Variants in IFTAP observed in about 807,000 individuals in gnomAD.
IFTAP encodes the protein intraflagellar transport-associated protein.
In IFTAP, 19 loss-of-function variants were observed where a neutral mutation model predicts 19.4. That is an observed-to-expected ratio of 0.98 (90% CI 0.68 to 1.44). The LOEUF is 1.44. Ranked by LOEUF, IFTAP falls within the 40% of genes most tolerant of loss-of-function variation. The probability of loss-of-function intolerance (pLI) is 0.00; values close to 1 mark genes in which losing one functional copy is unlikely to be tolerated. For synonymous variants in IFTAP, 85 were observed against 83.5 expected (o/e 1.02, Z -0.10); for missense variants, 240 against 253.6 (o/e 0.95, Z 0.36).
intron 2 of IFTAP, among the ~76,000 whole-genome samples, chr11:36,613,599 C>T (rs140339343): frequency 6.6e-6 from 1 of 151,904 alleles, no homozygotes; most frequent in Non-Finnish European, 1.5e-5. Context: ...GGAGGGCCAC[C>T]CAGCCTGTGT....
chr11:36,656,419 A>T lies in IFTAP; in HGVS notation c.499-2600A>T, dbSNP rs1853989464. Among the ~76,000 whole-genome samples, 3 of 152,020 alleles carry T rather than the reference A, an allele frequency of 2.0e-5. No individual in the cohort carries two copies. In the South Asian group the frequency reaches 6.2e-4, roughly 32 times the overall value. ...ACCCTATCTCTACTAAAAATACAAA[A>T]ATTAGCCAGGCCTGGTGGTATGCAC... On this transcript the variant is annotated intron_variant, in intron 5 of 5. Coordinates refer to ENST00000334307, the MANE Select transcript of IFTAP (RefSeq NM_138787.4).
chr11:36,646,008 A>G (rs1333954953), intron 4 of IFTAP, among the ~76,000 whole-genome samples: 2 of 152,184 alleles, frequency 1.3e-5, no homozygotes, highest in Non-Finnish European at 2.9e-5. Context: ...TATTCTGAAG[A>G]AACAAATGAC....
chr11:36,596,079 A>G (rs892162196), intron 1 of IFTAP, among the ~76,000 whole-genome samples: 1 of 152,242 alleles, frequency 6.6e-6, no homozygotes, highest in Non-Finnish European at 1.5e-5. Flanking sequence ...TAAATCACAT[A>G]GAACAGTGCC....
chr11:36,650,823 G>A (rs893976642), intron 5 of IFTAP, among the ~76,000 whole-genome samples: 20 of 151,626 alleles, frequency 1.3e-4, no homozygotes, highest in Non-Finnish European at 2.6e-4. Flanking sequence ...TTTTGTCCTT[G>A]CGATAGTTTG....
chr11:36,608,972 T>C (rs1489436878), intron 1 of IFTAP, among the ~76,000 whole-genome samples: 1 of 152,204 alleles, frequency 6.6e-6, no homozygotes, highest in Non-Finnish European at 1.5e-5. Context: ...TAGCTTAATA[T>C]TGATTGACTG....
At chr11:36,617,225 A>T (rs1284179474) in intron 2 of IFTAP, among the ~76,000 whole-genome samples, 2 of 148,098 alleles carry the variant, frequency 1.4e-5, no homozygotes, top group South Asian at 4.2e-4. Flanking sequence ...TTGTATATTT[A>T]TTTTTTTGTA....
chr11:36,649,311 A>G (rs1307181457), intron 5 of IFTAP, among the ~76,000 whole-genome samples: 1 of 152,172 alleles, frequency 6.6e-6, no homozygotes, highest in Non-Finnish European at 1.5e-5. Flanking sequence ...TTAAACTCCC[A>G]AATTGATTAC....
intron 1 of IFTAP, among the ~76,000 whole-genome samples, chr11:36,607,887 G>A (rs1363615049): frequency 6.6e-6 from 1 of 152,112 alleles, no homozygotes; most frequent in African/African-American, 2.4e-5. Context: ...TGTTCAGGCT[G>A]GTCTCAAACT....
chr11:36,598,340 C>T (rs1166021653), intron 1 of IFTAP: 1 of 152,096 alleles, frequency 6.6e-6, no homozygotes, highest in Non-Finnish European at 1.5e-5. Flanking sequence ...AGATACCCAA[C>T]AGGGTGTACC....
Position 36,659,016 on chromosome 11 carries a change from T to C in IFTAP, c.499-3T>C, listed in dbSNP as rs1330492943. The C allele has an allele frequency of 1.3e-6, 2 of 1,579,704 alleles. No individual in the cohort carries two copies. The highest frequency in any genetic ancestry group is 1.8e-5 in the Admixed American group (1 of 55,504). On this transcript the variant is annotated splice_polypyrimidine_tract_variant and splice_region_variant and intron_variant, in intron 5 of 5. Transcript: ENST00000334307. ...TTTTTTCCTCCTTTGTTACCTTTTATAGATACTTGGAGATGAAGTTCAACT... is the reference window on the plus strand; with the variant it reads ...TTTTTTCCTCCTTTGTTACCTTTTACAGATACTTGGAGATGAAGTTCAACT...
chr11:36,616,150 T>G (rs1852078223), intron 2 of IFTAP, among the ~76,000 whole-genome samples: 1 of 151,948 alleles, frequency 6.6e-6, no homozygotes, highest in Admixed American at 6.6e-5. Flanking sequence ...AAATCTCTCT[T>G]TCTCTCTCTC....
intron 4 of IFTAP, among the ~76,000 whole-genome samples, chr11:36,638,932 C>G (rs1203377477): frequency 6.6e-6 from 1 of 152,158 alleles, no homozygotes; most frequent in Non-Finnish European, 1.5e-5. Flanking sequence ...TTCAGTGGAG[C>G]CAACTCTATT....
intron 5 of IFTAP, among the ~76,000 whole-genome samples, chr11:36,649,645 T>C (rs1001232341): frequency 6.6e-6 from 1 of 152,132 alleles, no homozygotes; most frequent in Non-Finnish European, 1.5e-5. Flanking sequence ...CTGGAATCTA[T>C]CAAATAGCAG....
rs1461179931 is a variant in IFTAP, at chr11:36,614,685, T to C, written c.136+4446T>C. Among the ~76,000 whole-genome samples the C allele has an allele frequency of 4.0e-5, 6 of 148,178 alleles. 1 individual carries two copies. Among genetic ancestry groups the C allele is most frequent in the African/African-American group, 1.5e-4 (6 of 39,090 alleles). ...TGATGGCCAGTGATGGTGAGCATTT[T>C]TTCATGTGTTTTTTGGCTGCATAAA... is the stretch of plus-strand genomic sequence containing the variant. On this transcript the variant is annotated intron_variant, in intron 2 of 5. Transcript: ENST00000334307.
At chr11:36,656,960 A>T (rs1406480595) in intron 5 of IFTAP, among the ~76,000 whole-genome samples, 2 of 152,086 alleles carry the variant, frequency 1.3e-5, no homozygotes, top group Non-Finnish European at 2.9e-5. Flanking sequence ...GACTGCATCT[A>T]GTGAGGATGG....
intron 2 of IFTAP, among the ~76,000 whole-genome samples, chr11:36,616,645 A>G (rs73437936): frequency 0.11 from 17,221 of 151,920 alleles, 1,154 homozygotes; most frequent in African/African-American, 0.17. Flanking sequence ...TAATCTATAT[A>G]TACTTAATTC....
Position 36,619,044 on chromosome 11 carries a change from C to T in IFTAP, c.136+8805C>T, listed in dbSNP as rs139340229. ...CAAGGAAGAGTCACAGGTATTTTGC[C>T]TGGGAGATACTGAGGCCCACAGAGG... is the stretch of plus-strand genomic sequence containing the variant. On this transcript the variant is annotated intron_variant, in intron 2 of 5. Coordinates refer to ENST00000334307, the MANE Select transcript of IFTAP (RefSeq NM_138787.4). Among the ~76,000 whole-genome samples, 42 of 152,026 alleles carry T rather than the reference C, an allele frequency of 2.8e-4. No individual in the cohort carries two copies. The East Asian group carries it at 8.1e-3, about 29-fold the overall frequency.
chr11:36,604,089 G>A (rs1851604821), intron 1 of IFTAP, among the ~76,000 whole-genome samples: 1 of 152,112 alleles, frequency 6.6e-6, no homozygotes, highest in Admixed American at 6.6e-5. Flanking sequence ...TCCTTTAGGT[G>A]AGAATTTGTC....
intron 2 of IFTAP, among the ~76,000 whole-genome samples, chr11:36,614,187 C>T (rs1313656210): frequency 3.0e-4 from 43 of 143,808 alleles, no homozygotes; most frequent in East Asian, 1.2e-3. Context: ...TTTGTTCTTG[C>T]GATAGTTTAC....
Sources: allele counts gnomAD v4.1 joint callset (sites outside exome capture counted in the v4.1 genomes callset), GRCh38; gene constraint gnomAD v4.1.1; transcripts MANE v1.5; gene names NCBI Gene and HGNC (gene_info 2026-07-23, HGNC 2026-07-21).